The following TRERF1 variants were observed in gnomAD, a reference collection of about 807,000 sequenced individuals.
TRERF1 encodes transcriptional-regulating factor 1.
TRERF1 carries 27 observed loss-of-function variants against 122.9 expected under a neutral mutation model. The observed-to-expected ratio is 0.22, with a 90% confidence interval of 0.16 to 0.30. TRERF1 has a LOEUF of 0.30. Ranked by LOEUF, TRERF1 falls within the 10% of genes least tolerant of loss-of-function variation. The pLI, the probability that TRERF1 is intolerant of heterozygous loss-of-function variation, is 1.00. For synonymous variants in TRERF1, 636 were observed against 641.7 expected (o/e 0.99, Z 0.13); for missense variants, 1,248 against 1,560.3 (o/e 0.80, Z 3.37).
At chr6:42,408,927 C>T (rs1646799414) in intron 2 of TRERF1, among the ~76,000 whole-genome samples, 3 of 152,044 alleles carry the variant, frequency 2.0e-5, no homozygotes, top group South Asian at 4.1e-4. Context: ...TCTAGTTTTT[C>T]CCAAGAGCTA....
chr6:42,427,722 G>C (rs1474507205), intron 2 of TRERF1, among the ~76,000 whole-genome samples: 1 of 147,362 alleles, frequency 6.8e-6, no homozygotes, highest in Non-Finnish European at 1.5e-5. Context: ...GCTAATCTTT[G>C]TATTTTTTGT....
At chr6:42,306,907 C>G (rs1787363707) in intron 3 of TRERF1, among the ~76,000 whole-genome samples, 1 of 152,180 alleles carries the variant, frequency 6.6e-6, no homozygotes, top group Non-Finnish European at 1.5e-5. Context: ...GTCTAATGGC[C>G]TGGCACAGCA....
Position 42,303,884 on chromosome 6 carries a change from CAG to C in TRERF1, c.-370-3137_-370-3136del, listed in dbSNP as rs529940096. Among the ~76,000 whole-genome samples the C allele has an allele frequency of 4.1e-3, 453 of 109,384 alleles. 1 individual carries two copies. Among genetic ancestry groups the C allele is most frequent in the African/African-American group, 0.016 (429 of 27,540 alleles). 71.8% of individuals were successfully genotyped at this position (109,384 alleles called of 152,430 possible). A position where few individuals can be genotyped will look rare whatever the true frequency, so the allele number is the denominator to read the frequency against. On this transcript the variant is annotated intron_variant, in intron 3 of 17. Transcript: ENST00000372922. ...CACCACTGCACTCCAGCCTGGGTGACAGAGGGAGACACTGTCTCATAAAAAAA... is the reference window on the plus strand; with the variant it reads ...CACCACTGCACTCCAGCCTGGGTGACAGGGAGACACTGTCTCATAAAAAAA...
At chr6:42,303,103 A>G (rs908971204) in intron 3 of TRERF1, among the ~76,000 whole-genome samples, 6 of 152,246 alleles carry the variant, frequency 3.9e-5, no homozygotes, top group African/African-American at 1.4e-4. Context: ...GAAATTAACT[A>G]GTTCAATCCA....
intron 3 of TRERF1, among the ~76,000 whole-genome samples, chr6:42,346,463 C>T (rs2150768468): frequency 6.6e-6 from 1 of 152,300 alleles, no homozygotes; most frequent in Admixed American, 6.5e-5. Flanking sequence ...GGAAGAGAAG[C>T]ATGTGCATCT....
rs143302431 is a variant in TRERF1, at chr6:42,317,502, G to A, written c.-370-16753C>T. 3.9e-3 allele frequency among the ~76,000 whole-genome samples: 590 copies of A among 151,808 alleles called. 3 individuals are homozygous for A. The highest frequency in any genetic ancestry group is 4.9e-3 in the Non-Finnish European group (335 of 67,942). On this transcript the variant is annotated intron_variant, in intron 3 of 17. Transcript: ENST00000372922. ...CTCAAGAAGCTGGGACTACAGGTGC[G>A]CACCATTATCCCCGGCTAATTAAAA... is the stretch of plus-strand genomic sequence containing the variant.
At chr6:42,426,610 G>C (rs1043251865) in intron 2 of TRERF1, among the ~76,000 whole-genome samples, 5 of 152,236 alleles carry the variant, frequency 3.3e-5, no homozygotes, top group African/African-American at 1.2e-4. Flanking sequence ...CTCTAACAAA[G>C]AGGTGGAAGC....
chr6:42,337,927 A>G (rs2150666410), intron 3 of TRERF1, among the ~76,000 whole-genome samples: 1 of 152,278 alleles, frequency 6.6e-6, no homozygotes, highest in East Asian at 1.9e-4. Flanking sequence ...GACCCTTGCT[A>G]CCTGGACCAG....
At chr6:42,244,568 A>G (rs921289848) in intron 14 of TRERF1, among the ~76,000 whole-genome samples, 1 of 152,194 alleles carries the variant, frequency 6.6e-6, no homozygotes, top group Non-Finnish European at 1.5e-5. Flanking sequence ...GGAGCACACT[A>G]TAAATACTGC....
chr6:42,410,600 G>A (rs260288), intron 2 of TRERF1, among the ~76,000 whole-genome samples: 2,975 of 151,832 alleles, frequency 0.02, 89 homozygotes, highest in African/African-American at 0.066. Context: ...TTTTACCCTC[G>A]CCTTTCTGAA....
At chr6:42,448,552 T>C (rs1330556911) in intron 2 of TRERF1, among the ~76,000 whole-genome samples, 1 of 152,102 alleles carries the variant, frequency 6.6e-6, no homozygotes, top group Admixed American at 6.5e-5. Flanking sequence ...CTCACCCAAG[T>C]CCATGAAGCA....
chr6:42,331,850 T>C (rs1562004992), intron 3 of TRERF1, among the ~76,000 whole-genome samples: 1 of 152,184 alleles, frequency 6.6e-6, no homozygotes, highest in Non-Finnish European at 1.5e-5. Flanking sequence ...ACCCCCAGCC[T>C]CCCTTTCCCT....
At chr6:42,445,331 C>T (rs1249796659) in intron 2 of TRERF1, among the ~76,000 whole-genome samples, 1 of 145,116 alleles carries the variant, frequency 6.9e-6, no homozygotes, top group Non-Finnish European at 1.5e-5. Flanking sequence ...CCTTATCAGC[C>T]TCAGGAAACA....
At chr6:42,370,925 T>C (rs1262607888) in intron 2 of TRERF1, among the ~76,000 whole-genome samples, 1 of 152,202 alleles carries the variant, frequency 6.6e-6, no homozygotes, top group Non-Finnish European at 1.5e-5. Context: ...TGTTTTCCTC[T>C]ATGTTTTTCC....
intron 3 of TRERF1, among the ~76,000 whole-genome samples, chr6:42,325,266 C>A (rs1209454040): frequency 6.6e-6 from 1 of 152,090 alleles, no homozygotes; most frequent in Non-Finnish European, 1.5e-5. Context: ...CAGATGTTAG[C>A]GCGGCTGTGG....
intron 8 of TRERF1, among the ~76,000 whole-genome samples, chr6:42,262,221 G>A (rs1778030769): frequency 6.6e-6 from 1 of 151,914 alleles, no homozygotes; most frequent in South Asian, 2.1e-4. Flanking sequence ...CTTCTTTTGA[G>A]GACTTGATAT....
intron 3 of TRERF1, among the ~76,000 whole-genome samples, chr6:42,328,523 G>T (rs1764707226): frequency 6.6e-6 from 1 of 152,170 alleles, no homozygotes; most frequent in Admixed American, 6.5e-5. Flanking sequence ...GCAGGCCCCA[G>T]TGTCTGTTGT....
At chr6:42,326,926 A>G (rs1203394660) in intron 3 of TRERF1, among the ~76,000 whole-genome samples, 2 of 152,138 alleles carry the variant, frequency 1.3e-5, no homozygotes, top group African/African-American at 4.8e-5. Context: ...ACCACTTCCA[A>G]TCATACGGGA....
intron 2 of TRERF1, among the ~76,000 whole-genome samples, chr6:42,405,511 C>T (rs945485806): frequency 1.3e-5 from 2 of 152,014 alleles, no homozygotes; most frequent in African/African-American, 4.8e-5. Flanking sequence ...TGAAAATAGA[C>T]GGGTCTGGTG....
Sources: allele counts gnomAD v4.1 joint callset (sites outside exome capture counted in the v4.1 genomes callset), GRCh38; gene constraint gnomAD v4.1.1; transcripts MANE v1.5; gene names NCBI Gene and HGNC (gene_info 2026-07-23, HGNC 2026-07-21).